The following STK3 variants were observed in gnomAD, a reference collection of about 807,000 sequenced individuals.
STK3 encodes the protein serine/threonine-protein kinase 3.
Under a neutral mutation model 58.0 loss-of-function variants are expected in STK3, and 41 were observed. That is an observed-to-expected ratio of 0.71 (90% CI 0.55 to 0.92). STK3 has a LOEUF of 0.92. Among genes scored for constraint, STK3 ranks in the 40% least tolerant of loss-of-function variants. STK3 has a pLI of 0.00. For missense variants in STK3, 479 were observed against 602.7 expected, an observed-to-expected ratio of 0.79 and a Z score of 2.15; for synonymous variants, 170 against 191.0, an observed-to-expected ratio of 0.89 and a Z score of 0.91.
chr8:98,792,897 T>TGA (rs142073945), intron 1 of STK3, among the ~76,000 whole-genome samples: 1 of 8,004 alleles, frequency 1.2e-4, no homozygotes, highest in Non-Finnish European at 3.4e-4. Context: ...AGAGACTGTA[T>TGA]GTGTGTGTGT....
chr8:98,692,441 G>C (rs1246546139), intron 6 of STK3, among the ~76,000 whole-genome samples: 1 of 151,958 alleles, frequency 6.6e-6, no homozygotes, highest in Non-Finnish European at 1.5e-5. Flanking sequence ...GAAAACATTA[G>C]GCTACATAAA....
chr8:98,782,514 C>A, intron 1 of STK3: 2 of 311,712 alleles, frequency 6.4e-6, no homozygotes, highest in East Asian at 9.8e-5. Flanking sequence ...GCTGACCAGG[C>A]AGAGGCCTGC....
chr8:98,417,515 A>AT (rs1332909460), intron 3 of STK3, among the ~76,000 whole-genome samples: 18 of 57,964 alleles, frequency 3.1e-4, no homozygotes, highest in South Asian at 1.4e-3. Context: ...CTCTGTCTCA[A>AT]AAAATAAATA....
At chr8:98,654,707 C>G (rs1277484882) in intron 6 of STK3, among the ~76,000 whole-genome samples, 1 of 151,982 alleles carries the variant, frequency 6.6e-6, no homozygotes, top group Non-Finnish European at 1.5e-5. Flanking sequence ...AACAGAGAGC[C>G]AAATCATGAG....
chr8:98,839,196 A>C (rs1835869330), intron 3 of STK3, among the ~76,000 whole-genome samples: 1 of 151,950 alleles, frequency 6.6e-6, no homozygotes, highest in Admixed American at 6.6e-5. Context: ...ACAGGTGTGC[A>C]TCACTAGGCC....
At chr8:98,738,656 G>C (rs1346418581) in intron 4 of STK3, among the ~76,000 whole-genome samples, 5 of 152,216 alleles carry the variant, frequency 3.3e-5, no homozygotes, top group Non-Finnish European at 5.9e-5. Flanking sequence ...CTCCCAGCGT[G>C]AGCGACGCAG....
rs573940707 is a variant in STK3 at position 98,893,631 on chromosome 8, T to TA, written c.-78-9798dup. On this transcript the variant is annotated intron_variant, in intron 1 of 1. Transcript: ENST00000519420. ...AAGGAAAGAGGAAGGAAAAAGAACT[T>TA]AAAAAAAAAAGCAACCAAAGCTTGA... Among the ~76,000 whole-genome samples, 33 of 145,260 alleles carry TA rather than the reference T, an allele frequency of 2.3e-4. 1 individual carries two copies. The highest frequency in any genetic ancestry group is 1.2e-3 in the East Asian group (6 of 4,992).
At chr8:98,654,100 C>A (rs952618053) in intron 6 of STK3, among the ~76,000 whole-genome samples, 112 of 152,244 alleles carry the variant, frequency 7.4e-4, no homozygotes, top group African/African-American at 2.6e-3. Context: ...TACTGACAAA[C>A]CGCATCCAGC....
At chr8:98,403,831 C>A (rs954736181) in intron 3 of STK3, among the ~76,000 whole-genome samples, 1 of 152,250 alleles carries the variant, frequency 6.6e-6, no homozygotes, top group African/African-American at 2.4e-5. Flanking sequence ...CTGGTAAGTG[C>A]CAAGGGGATA....
chr8:98,912,132 A>G (rs1448583674), intron 1 of STK3, among the ~76,000 whole-genome samples: 1 of 152,190 alleles, frequency 6.6e-6, no homozygotes, highest in Non-Finnish European at 1.5e-5. Flanking sequence ...TAATTCCAGA[A>G]CTTTAGGAGG....
chr8:98,824,237 T>G (rs1587709886), intron 1 of STK3, among the ~76,000 whole-genome samples: 2 of 152,330 alleles, frequency 1.3e-5, no homozygotes, highest in East Asian at 3.9e-4. Flanking sequence ...AACCACCACT[T>G]TGAAAAGTAT....
At chr8:98,821,452 C>A (rs990632194) in intron 1 of STK3, among the ~76,000 whole-genome samples, 6 of 151,180 alleles carry the variant, frequency 4.0e-5, no homozygotes, top group African/African-American at 1.5e-4. Context: ...CTTTTAATAA[C>A]GACTTTGGCC....
chr8:98,797,305 G>A (rs998681864), intron 1 of STK3, among the ~76,000 whole-genome samples: 32 of 152,180 alleles, frequency 2.1e-4, no homozygotes, highest in African/African-American at 7.5e-4. Flanking sequence ...TTTGCCTGGA[G>A]TCAGAATGAA....
At chr8:98,740,910 C>T (rs1829147358) in intron 4 of STK3, among the ~76,000 whole-genome samples, 2 of 151,980 alleles carry the variant, frequency 1.3e-5, no homozygotes, top group Admixed American at 1.3e-4. Context: ...ATCTACCAAG[C>T]AAATGGAAAA....
chr8:98,513,037 T>C (rs1381420043), intron 10 of STK3, among the ~76,000 whole-genome samples: 1 of 152,174 alleles, frequency 6.6e-6, no homozygotes, highest in Admixed American at 6.6e-5. Flanking sequence ...AAAATATTTC[T>C]GTAGAGAAAG....
intron 2 of STK3, among the ~76,000 whole-genome samples, chr8:98,435,398 G>T (rs576470218): frequency 7.9e-5 from 12 of 152,370 alleles, no homozygotes; most frequent in African/African-American, 2.6e-4. Flanking sequence ...GGGGGCAGAA[G>T]TAAGCCATCT....
chr8:98,827,203 A>T (rs112538574), upstream of STK3, among the ~76,000 whole-genome samples: 2,098 of 149,978 alleles, frequency 0.014, 43 homozygotes, highest in African/African-American at 0.049. Flanking sequence ...GGGCCTGGTG[A>T]TGCGCCTGTA....
intron 10 of STK3, among the ~76,000 whole-genome samples, chr8:98,507,833 C>T (rs137860808): frequency 1.5e-4 from 23 of 152,220 alleles, no homozygotes; most frequent in Non-Finnish European, 2.9e-4. Context: ...ATGGCTCACT[C>T]CCTGCTTGGT....
intron 1 of STK3, chr8:98,905,527 CA>C: frequency 1.8e-6 from 2 of 1,082,020 alleles, no homozygotes; most frequent in Non-Finnish European, 2.9e-6. Context: ...ATGGTATCCT[CA>C]GCCGCCGTCT....
Sources: gnomAD v4.1 joint callset for allele counts (sites outside exome capture counted in the v4.1 genomes callset) on GRCh38, gnomAD v4.1.1 for gene constraint, MANE v1.5 for transcripts, NCBI Gene and HGNC (gene_info 2026-07-23, HGNC 2026-07-21) for gene names.